Variants in SRCIN1 observed in about 807,000 individuals in gnomAD.
The protein encoded by SRCIN1 is P130Cas-associated protein.
A neutral mutation model predicts 116.2 loss-of-function variants in SRCIN1; 50 were observed. That is an observed-to-expected ratio of 0.43 (90% confidence interval 0.34 to 0.54). SRCIN1 has a LOEUF of 0.54. SRCIN1 is among the 20% of genes least tolerant of loss of function. The pLI, the probability that SRCIN1 is intolerant of heterozygous loss-of-function variation, is 0.02. For synonymous variants in SRCIN1, 736 were observed against 750.0 expected (o/e 0.98, Z 0.30); for missense variants, 1,446 against 1,672.0 (o/e 0.86, Z 2.36).
chr17:38,545,406 A>C (rs1235827242), intron 17 of SRCIN1: 1 of 152,728 alleles, frequency 6.5e-6, no homozygotes, highest in Non-Finnish European at 1.5e-5. Flanking sequence ...GGTTGGGGGC[A>C]CACTCTGTCA....
In SRCIN1 at chr17:38,604,725, A is replaced by C. The variant is rs1597946052; in HGVS notation, c.22+959T>G. The C allele has an allele frequency of 6.9e-6, 2 of 290,308 alleles. No individual in the cohort carries two copies. The highest frequency in any genetic ancestry group is 6.7e-6 in the Non-Finnish European group (1 of 148,154). 18.0% of individuals were successfully genotyped at this position (290,308 alleles called of 1,614,324 possible). Reference sequence around the variant, plus strand: ...CTTCCACCAGCATCCTGCTGCCCCCACCGACAGGACTCGGAGCTGGCCCGG... The same window carrying C: ...CTTCCACCAGCATCCTGCTGCCCCCCCCGACAGGACTCGGAGCTGGCCCGG... On this transcript the variant is annotated intron_variant, in intron 1 of 18. Transcript: ENST00000617146. This position sits in a 1 kb window ranked among gnomAD's most constrained non-coding sequence, Gnocchi z 4.3.
At chr17:38,564,378 C>T (rs1418709932) in intron 3 of SRCIN1, 65 bp from the exon 4 acceptor site, 2 of 1,454,578 alleles carry the variant, frequency 1.4e-6, no homozygotes, top group East Asian at 5.1e-5. Context: ...TTGCTTGTCA[C>T]TGCCCATATC....
Position 38,551,229 on chromosome 17 carries a change from T to G in SRCIN1, c.2888A>C (p.Asp963Ala). Residue 963 changes from aspartate (D) to alanine (A), a missense_variant, in exon 15 of 19, where the codon GAT becomes GCT. Asp to Ala is a moderately radical substitution (Grantham distance 126). Around this residue, in one of 5 missense-constraint regions of SRCIN1, gnomAD observed 531 missense variants for 633.9 expected, o/e 0.84. Coordinates refer to ENST00000617146, the MANE Select transcript of SRCIN1 (RefSeq NM_025248.3). Reference sequence around the variant, plus strand: ...GTGGGGGGCCTTGGGGGGCTTGTGATCTGGAGTGGGGGCCGGGCCTGGATG... The same window carrying G: ...GTGGGGGGCCTTGGGGGGCTTGTGAGCTGGAGTGGGGGCCGGGCCTGGATG... ...KAHPGPAPTP[D>A]HKPPKAPHGQ... The G allele has an allele frequency of 6.2e-7, 1 of 1,608,842 alleles. No individual in the cohort carries two copies. Among genetic ancestry groups the G allele is most frequent in the Non-Finnish European group, 8.5e-7 (1 of 1,177,490 alleles).
chr17:38,562,805 C>G lies in SRCIN1; in HGVS notation c.834+22G>C. On this transcript the variant is annotated intron_variant, in intron 6 of 18. Coordinates refer to ENST00000617146, the MANE Select transcript of SRCIN1 (RefSeq NM_025248.3). The surrounding 1 kb of genome is among the most constrained non-coding windows in gnomAD (Gnocchi z 4.2). ...CCCCATGTGCCCAGCCTCCCCAATG[C>G]CCTGGGCATGCCCAGCCATACCCGG... 6.2e-7 allele frequency: 1 copy of G among 1,608,300 alleles called. No homozygotes were observed. Among genetic ancestry groups the G allele is most frequent in the Non-Finnish European group, 8.5e-7 (1 of 1,175,812 alleles).
At chr17:38,605,076 G>A (rs557726584) in intron 1 of SRCIN1, among the ~76,000 whole-genome samples, 1 of 152,136 alleles carries the variant, frequency 6.6e-6, no homozygotes, top group Non-Finnish European at 1.5e-5. Context: ...GGGGAGGGGG[G>A]GTGTGTGGAA....
At chr17:38,606,777 CTT>C (rs1909389990), upstream of SRCIN1, among the ~76,000 whole-genome samples, 1 of 152,168 alleles carries the variant, frequency 6.6e-6, no homozygotes. The surrounding 1 kb of genome is among the most constrained non-coding windows in gnomAD (Gnocchi z 5.2). Context: ...GCTCCGCAGA[CTT>C]CTCCAGCGCT....
At chr17:38,605,212 G>A (rs543291285) in intron 1 of SRCIN1, among the ~76,000 whole-genome samples, 1 of 151,880 alleles carries the variant, frequency 6.6e-6, no homozygotes, top group South Asian at 2.1e-4. Context: ...GGGAGCTGGG[G>A]GAGGGAGGCC....
At chr17:38,589,556 T>C (rs1908330307) in intron 1 of SRCIN1, among the ~76,000 whole-genome samples, 1 of 152,174 alleles carries the variant, frequency 6.6e-6, no homozygotes, top group East Asian at 1.9e-4. Context: ...CCCAGTAACC[T>C]CAAGGCCACC....
Position 38,561,834 on chromosome 17 carries a change from C to CA in SRCIN1, c.1328dup (p.Gln444AlafsTer150). On this transcript the variant is annotated frameshift_variant, in exon 7 of 19. Coordinates refer to ENST00000617146, the MANE Select transcript of SRCIN1 (RefSeq NM_025248.3). LOFTEE classifies it high-confidence loss of function. The stretch of plus-strand genomic sequence containing the variant: ...ACAGGGAGTCCTCCAGATCGGACTG[C>CA]AGCGCGGCGGCCGAGTAGGTGCTGA... The CA allele has an allele frequency of 6.8e-7, 1 of 1,477,158 alleles. No individual in the cohort carries two copies. 91.5% of individuals were successfully genotyped at this position (1,477,158 alleles called of 1,614,324 possible).
chr17:38,582,371 G>A (rs184819283), intron 1 of SRCIN1, among the ~76,000 whole-genome samples: 1 of 152,306 alleles, frequency 6.6e-6, no homozygotes, highest in Non-Finnish European at 1.5e-5. Flanking sequence ...TTATGGCAGG[G>A]AGAGGTCCCA....
At chr17:38,539,126 T>C (rs1036165987) in intron 18 of SRCIN1, among the ~76,000 whole-genome samples, 4 of 152,208 alleles carry the variant, frequency 2.6e-5, no homozygotes, top group Non-Finnish European at 5.9e-5. Flanking sequence ...ATTTACTGAG[T>C]GCCTACGTAT....
chr17:38,559,206 C>T (rs1597900837), intron 10 of SRCIN1: 1 of 283,526 alleles, frequency 3.5e-6, no homozygotes. Context: ...GAAGGGCTCT[C>T]GCTGACTCAG....
chr17:38,563,385 G>A lies in SRCIN1; in HGVS notation c.678C>T (p.Pro226=). The change falls in exon 5 of 19, where the codon CCC becomes CCT. Residue 226 remains proline, a synonymous_variant. Transcript: ENST00000617146. This position sits in a 1 kb window ranked among gnomAD's most constrained non-coding sequence, Gnocchi z 5.8. ...QKLTMGMLKS[P]NTAILIKDEA... The stretch of plus-strand genomic sequence containing the variant: ...CGTCTTTGATGAGGATGGCGGTATT[G>A]GGCGACTTAAGCATGCCCATGGTGA... 1.3e-6 allele frequency: 2 copies of A among 1,580,324 alleles called. No homozygotes were observed. Among genetic ancestry groups the A allele is most frequent in the South Asian group, 2.3e-5 (2 of 85,832 alleles).
chr17:38,603,129 C>T (rs1292188803), intron 1 of SRCIN1, among the ~76,000 whole-genome samples: 1 of 151,866 alleles, frequency 6.6e-6, no homozygotes, highest in Non-Finnish European at 1.5e-5. Context: ...ATCAATGGTT[C>T]TAATTAAACC....
chr17:38,569,074 T>C (rs1329785405), intron 2 of SRCIN1, among the ~76,000 whole-genome samples: 1 of 151,736 alleles, frequency 6.6e-6, no homozygotes, highest in East Asian at 1.9e-4. Context: ...CTGGGGGCAG[T>C]GAAGGGAGTT....
upstream of SRCIN1, among the ~76,000 whole-genome samples, chr17:38,606,393 C>T (rs1909370199): frequency 6.6e-6 from 1 of 152,016 alleles, no homozygotes; most frequent in South Asian, 2.1e-4. The surrounding 1 kb of genome is among the most constrained non-coding windows in gnomAD (Gnocchi z 5.2). Flanking sequence ...CCAAGGTGAC[C>T]GCGGAAACCA....
intron 10 of SRCIN1, chr17:38,559,236 G>A (rs1270255604): frequency 2.6e-6 from 1 of 387,716 alleles, no homozygotes; most frequent in African/African-American, 2.1e-5. Flanking sequence ...TGCAGGGCAG[G>A]AAGGAACTGG....
Position 38,551,186 on chromosome 17 carries a change from G to T in SRCIN1, c.2931C>A (p.Pro977=). 1 of 1,584,722 alleles carries T rather than the reference G, an allele frequency of 6.3e-7. No individual in the cohort carries two copies. The highest frequency in any genetic ancestry group is 8.6e-7 in the Non-Finnish European group (1 of 1,161,214). ...CCCTCCTCCCACTGGGCTCCGTTCGGGGGGCTGCCTTCTGGCCGTGGGGGG... is the reference window on the plus strand; with the variant it reads ...CCCTCCTCCCACTGGGCTCCGTTCGTGGGGCTGCCTTCTGGCCGTGGGGGG... ...PKAPHGQKAA[P]RTEPSGRRGS... is the part of the protein sequence containing the mutation. The change falls in exon 15 of 19, where the codon CCC becomes CCA. Residue 977 remains proline (P), a synonymous_variant. Transcript: ENST00000617146.
chr17:38,536,535 C>T (rs945286539), intron 18 of SRCIN1, among the ~76,000 whole-genome samples: 3 of 152,236 alleles, frequency 2.0e-5, no homozygotes, highest in South Asian at 2.1e-4. Flanking sequence ...CACCTGCTCT[C>T]GCCAGGTCCA....
Sources: allele counts gnomAD v4.1 joint callset (sites outside exome capture counted in the v4.1 genomes callset), GRCh38; gene constraint gnomAD v4.1.1; regional missense constraint gnomAD v4.1.1; non-coding constraint Gnocchi (gnomAD v3.1); transcripts MANE v1.5; gene names NCBI Gene and HGNC (gene_info 2026-07-23, HGNC 2026-07-21).